The following ARHGAP10 variants were observed in gnomAD, a reference collection of about 807,000 sequenced individuals.
ARHGAP10 encodes the protein Rho GTPase activating protein 10, also known as rho GTPase-activating protein 10.
ARHGAP10 carries 87 observed loss-of-function variants against 108.6 expected under a neutral mutation model. That is an observed-to-expected ratio of 0.80 (90% CI 0.67 to 0.96). The LOEUF (loss-of-function observed/expected upper bound fraction) is 0.96, where lower values mean the gene tolerates loss of function less well. Ranked by LOEUF, ARHGAP10 falls within the 40% of genes least tolerant of loss-of-function variation. The pLI, the probability that ARHGAP10 is intolerant of heterozygous loss-of-function variation, is 0.00. For missense variants in ARHGAP10, 939 were observed against 954.5 expected (o/e 0.98, Z 0.21); for synonymous variants, 347 against 341.1 (o/e 1.02, Z -0.19).
intron 3 of ARHGAP10, among the ~76,000 whole-genome samples, chr4:147,832,664 A>AAAAAAAT (rs70958588): frequency 6.7e-6 from 1 of 148,378 alleles, no homozygotes; most frequent in Non-Finnish European, 1.5e-5. Flanking sequence ...AAAAAAAAAA[A>AAAAAAAT]GGAAATTGGA....
intron 20 of ARHGAP10, among the ~76,000 whole-genome samples, chr4:148,052,223 T>A (rs929888212): frequency 1.2e-4 from 18 of 152,110 alleles, no homozygotes; most frequent in African/African-American, 3.6e-4. Flanking sequence ...CCTCTCTCTC[T>A]GTCTTTCCTT....
intron 1 of ARHGAP10, among the ~76,000 whole-genome samples, chr4:147,764,609 C>G (rs1346558910): frequency 1.3e-5 from 2 of 152,188 alleles, no homozygotes; most frequent in Non-Finnish European, 2.9e-5. Flanking sequence ...TCTCAACTCC[C>G]TGCAACCTCC....
At chr4:148,046,021 G>A (rs1410145774) in intron 19 of ARHGAP10, among the ~76,000 whole-genome samples, 1 of 152,224 alleles carries the variant, frequency 6.6e-6, no homozygotes, top group Admixed American at 6.5e-5. Flanking sequence ...GCCTGGAGCA[G>A]TTAAAATTTA....
At position 147,839,943 on chromosome 4, in the gene ARHGAP10, A is replaced by G. The variant is rs1279739881; in HGVS notation, c.313-7208A>G. On this transcript the variant is annotated intron_variant, in intron 3 of 22. Coordinates refer to ENST00000336498, the MANE Select transcript of ARHGAP10 (RefSeq NM_024605.4). ...AATACTCTTTTTACTTTGAATTGTG[A>G]AGTTCTAATGGATTCTCTAGTTTGC... 2.0e-5 allele frequency among the ~76,000 whole-genome samples: 3 copies of G among 152,218 alleles called. No homozygotes were observed. The East Asian group carries it at 5.8e-4, about 29-fold the overall frequency.
At chr4:147,939,963 T>A in intron 14 of ARHGAP10, 64 bp downstream of exon 14, 1 of 1,344,236 alleles carries the variant, frequency 7.4e-7, no homozygotes, top group Non-Finnish European at 1.1e-6. Context: ...CTTCACAGCT[T>A]AATATTTCAT....
chr4:147,755,076 C>A (rs560955505), intron 1 of ARHGAP10, among the ~76,000 whole-genome samples: 41 of 149,590 alleles, frequency 2.7e-4, no homozygotes, highest in African/African-American at 9.8e-4. Flanking sequence ...GAGTGAAACT[C>A]CGTCTCAAAA....
In ARHGAP10 at chr4:147,875,098, C is replaced by T. The variant is rs1344511835; in HGVS notation, c.780C>T (p.His260=). The change falls in exon 8 of 23, where the codon CAC becomes CAT. Residue 260 remains histidine, a synonymous_variant. Coordinates refer to ENST00000336498, the MANE Select transcript of ARHGAP10 (RefSeq NM_024605.4). ...MNKIRQNPKD[H]KRASQFTAEG... ...AAATCAGACAGAATCCCAAGGACCA[C>T]AAACGAGCAAGTCAGTTTACAGCCG... 3.1e-6 allele frequency: 5 copies of T among 1,608,400 alleles called. No individual in the cohort carries two copies. The highest frequency in any genetic ancestry group is 3.4e-6 in the Non-Finnish European group (4 of 1,178,536).
At chr4:147,820,220 G>A (rs946769838) in intron 1 of ARHGAP10, among the ~76,000 whole-genome samples, 3 of 152,170 alleles carry the variant, frequency 2.0e-5, no homozygotes, top group Non-Finnish European at 4.4e-5. Flanking sequence ...AGAGCAACCA[G>A]TGTGTCTAGA....
intron 18 of ARHGAP10, among the ~76,000 whole-genome samples, chr4:148,007,937 C>T (rs1741015859): frequency 6.6e-6 from 1 of 152,112 alleles, no homozygotes; most frequent in African/African-American, 2.4e-5. Context: ...TCTCTTACTG[C>T]AGAACTGAAA....
chr4:147,820,999 C>T (rs984619899), intron 1 of ARHGAP10, among the ~76,000 whole-genome samples: 34 of 152,178 alleles, frequency 2.2e-4, no homozygotes, highest in African/African-American at 5.6e-4. Context: ...TTCCATTGTG[C>T]GCTTTACTCA....
At chr4:147,744,782 A>C (rs373156004) in intron 1 of ARHGAP10, among the ~76,000 whole-genome samples, 2 of 152,202 alleles carry the variant, frequency 1.3e-5, no homozygotes, top group East Asian at 3.9e-4. Flanking sequence ...ATTTCGTAGT[A>C]GCCAGGAGAC....
intron 1 of ARHGAP10, among the ~76,000 whole-genome samples, chr4:147,820,182 C>G (rs1198705779): frequency 1.3e-5 from 2 of 152,136 alleles, no homozygotes; most frequent in Non-Finnish European, 2.9e-5. Context: ...GGTTTTCAAA[C>G]TGGAGTGAGT....
intron 22 of ARHGAP10, chr4:148,065,440 G>C (rs1244446655): frequency 6.6e-6 from 1 of 152,220 alleles, no homozygotes; most frequent in Non-Finnish European, 1.5e-5. Context: ...TTCAGAGACA[G>C]AGACTCCTGG....
chr4:147,746,833 G>A (rs927792179), intron 1 of ARHGAP10, among the ~76,000 whole-genome samples: 1 of 152,166 alleles, frequency 6.6e-6, no homozygotes, highest in Non-Finnish European at 1.5e-5. Flanking sequence ...GGACATCGAG[G>A]AAACTGTCAA....
At chr4:148,016,804 G>T (rs1294594909) in intron 18 of ARHGAP10, among the ~76,000 whole-genome samples, 2 of 152,006 alleles carry the variant, frequency 1.3e-5, no homozygotes, top group Admixed American at 6.6e-5. Context: ...TTCCACTTGG[G>T]GTTCCCACAA....
At chr4:147,915,617 G>GTA (rs1389027354) in intron 13 of ARHGAP10, among the ~76,000 whole-genome samples, 4 of 152,078 alleles carry the variant, frequency 2.6e-5, no homozygotes, top group Admixed American at 6.6e-5. Flanking sequence ...GTTTTTATAA[G>GTA]TATATAGATG....
At chr4:147,778,578 A>G (rs1469474999) in intron 1 of ARHGAP10, among the ~76,000 whole-genome samples, 1 of 152,174 alleles carries the variant, frequency 6.6e-6, no homozygotes, top group African/African-American at 2.4e-5. Context: ...AGAAATTTGT[A>G]GTAAATATGC....
chr4:148,017,623 T>G (rs1304151648), intron 18 of ARHGAP10, among the ~76,000 whole-genome samples: 1 of 141,334 alleles, frequency 7.1e-6, no homozygotes, highest in Non-Finnish European at 1.5e-5. Context: ...AACATTATAA[T>G]GAGAGCTGTG....
At chr4:147,783,480 T>C (rs886897515) in intron 1 of ARHGAP10, among the ~76,000 whole-genome samples, 1 of 146,716 alleles carries the variant, frequency 6.8e-6, no homozygotes, top group African/African-American at 2.5e-5. Flanking sequence ...GTATAATTTA[T>C]ATAGCACACA....
Sources: allele counts gnomAD v4.1 joint callset (sites outside exome capture counted in the v4.1 genomes callset), GRCh38; gene constraint gnomAD v4.1.1; transcripts MANE v1.5; gene names NCBI Gene and HGNC (gene_info 2026-07-23, HGNC 2026-07-21).